TMCO5A: variants seen among roughly 807,000 people sequenced by gnomAD.
TMCO5A encodes transmembrane and coiled-coil domain-containing protein 5A.
A neutral mutation model predicts 42.3 loss-of-function variants in TMCO5A; 34 were observed. The ratio of observed to expected loss-of-function variants is 0.80; its 90% CI spans 0.61 to 1.07. The LOEUF is 1.07. Ranked by LOEUF, TMCO5A falls within the 50% of genes least tolerant of loss-of-function variation. The probability of loss-of-function intolerance (pLI) is 0.00; values close to 1 mark genes in which losing one functional copy is unlikely to be tolerated. For missense variants in TMCO5A, 357 were observed against 327.9 expected (o/e 1.09, Z -0.69); for synonymous variants, 131 against 115.6 (o/e 1.13, Z -0.86).
At chr15:38,003,324 G>A in the TMCO5A span, among the ~76,000 whole-genome samples, 263 of 152,048 alleles carry the variant, frequency 1.7e-3, no homozygotes, top group Non-Finnish European at 3.1e-3. Flanking sequence ...ACCACAACTG[G>A]GATTGTGCTG....
At chr15:37,945,767 T>G (rs1156846196) in intron 10 of TMCO5A, among the ~76,000 whole-genome samples, 1 of 152,216 alleles carries the variant, frequency 6.6e-6, no homozygotes, top group Non-Finnish European at 1.5e-5. Flanking sequence ...ACTCTGGGTA[T>G]TAGACATTTG....
the TMCO5A span, among the ~76,000 whole-genome samples, chr15:38,035,267 A>G: frequency 6.6e-6 from 1 of 152,228 alleles, no homozygotes; most frequent in Non-Finnish European, 1.5e-5. Context: ...GGCTTGATTT[A>G]TAACTTTTTA....
At chr15:38,010,686 T>C in the TMCO5A span, among the ~76,000 whole-genome samples, 1 of 152,140 alleles carries the variant, frequency 6.6e-6, no homozygotes, top group Non-Finnish European at 1.5e-5. Flanking sequence ...CCACCAACTT[T>C]GTGGTAGTTT....
chr15:38,035,580 A>G, the TMCO5A span, among the ~76,000 whole-genome samples: 1 of 152,224 alleles, frequency 6.6e-6, no homozygotes, highest in Non-Finnish European at 1.5e-5. Flanking sequence ...ATAAGAGTGT[A>G]TTATGGAGGC....
chr15:37,943,261 C>T, intron 9 of TMCO5A, 80 bp from the exon 10 acceptor site: 2 of 1,368,200 alleles, frequency 1.5e-6, no homozygotes, highest in Non-Finnish European at 2.0e-6. Flanking sequence ...GAATATAAAG[C>T]TTTTTTAAAA....
downstream of TMCO5A, among the ~76,000 whole-genome samples, chr15:37,972,366 T>C (rs950684894): frequency 6.6e-6 from 1 of 152,136 alleles, no homozygotes; most frequent in Non-Finnish European, 1.5e-5. Context: ...GAGATTTGGG[T>C]GGGGACACAG....
At chr15:38,004,200 T>A in the TMCO5A span, among the ~76,000 whole-genome samples, 1 of 152,078 alleles carries the variant, frequency 6.6e-6, no homozygotes, top group Admixed American at 6.5e-5. Flanking sequence ...AGAAATGTCA[T>A]CTGTGAGCTA....
the TMCO5A span, among the ~76,000 whole-genome samples, chr15:38,016,636 G>T: frequency 1.3e-5 from 2 of 152,094 alleles, no homozygotes; most frequent in African/African-American, 4.8e-5. Flanking sequence ...TATACTTTCA[G>T]CCTGGGCAAA....
At chr15:37,972,874 T>A in the TMCO5A span, among the ~76,000 whole-genome samples, 4 of 152,164 alleles carry the variant, frequency 2.6e-5, no homozygotes, top group African/African-American at 9.7e-5. Flanking sequence ...CTACAATGAC[T>A]TTTTTAGGTT....
the TMCO5A span, chr15:38,004,810 C>G: frequency 6.6e-6 from 1 of 152,182 alleles, no homozygotes; most frequent in African/African-American, 2.4e-5. Context: ...GTACCTCTTC[C>G]AGTGATGTGA....
chr15:37,995,846 A>C, the TMCO5A span, among the ~76,000 whole-genome samples: 1,535 of 125,466 alleles, frequency 0.012, 26 homozygotes, highest in African/African-American at 0.048. Context: ...AATCCCCTCC[A>C]AAAAAAAAAC....
At chr15:37,936,084 G>A (rs1889499842) in intron 2 of TMCO5A, 1 of 373,728 alleles carries the variant, frequency 2.7e-6, no homozygotes, top group Non-Finnish European at 4.7e-6. Flanking sequence ...CTGTTAGATT[G>A]AGCACTTTGG....
chr15:37,934,975 C>T (rs1190649786), intron 1 of TMCO5A, among the ~76,000 whole-genome samples: 1 of 152,114 alleles, frequency 6.6e-6, no homozygotes, highest in African/African-American at 2.4e-5. Flanking sequence ...TAAACTTCCA[C>T]AGGGTTTTAT....
chr15:37,949,714 A>C (rs749659983), intron 11 of TMCO5A, among the ~76,000 whole-genome samples: 4 of 152,142 alleles, frequency 2.6e-5, no homozygotes, highest in Non-Finnish European at 5.9e-5. Flanking sequence ...ATGCTAAAAA[A>C]AAAAAATAAA....
rs747467808 is a variant in TMCO5A at position 37,951,102 on chromosome 15, T to C, written c.735T>C (p.His245=). The C allele has an allele frequency of 1.1e-5, 18 of 1,613,470 alleles. No individual in the cohort carries two copies. Among genetic ancestry groups the C allele is most frequent in the African/African-American group, 4.0e-5 (3 of 74,914 alleles). Reference sequence around the variant, plus strand: ...GACTGCTGAGCTACATGTTTTTTCATGTAAGATTCATAAATCCAGATCTCC... The same window carrying C: ...GACTGCTGAGCTACATGTTTTTTCACGTAAGATTCATAAATCCAGATCTCC... The part of the protein sequence containing the change: ...FIRLLSYMFF[H]VRFINPDLLV... Residue 245 remains histidine, a synonymous_variant, in exon 12 of 12, where the codon CAT becomes CAC. Coordinates refer to ENST00000319669, the MANE Select transcript of TMCO5A (RefSeq NM_152453.4).
the TMCO5A span, among the ~76,000 whole-genome samples, chr15:38,036,995 G>A: frequency 6.6e-6 from 1 of 152,072 alleles, no homozygotes; most frequent in Non-Finnish European, 1.5e-5. Flanking sequence ...TCATTTAAAA[G>A]GCATTTGAAC....
At chr15:38,014,102 C>G in the TMCO5A span, among the ~76,000 whole-genome samples, 1 of 152,188 alleles carries the variant, frequency 6.6e-6, no homozygotes, top group Non-Finnish European at 1.5e-5. Flanking sequence ...TGAGGATCAT[C>G]TAGAATAATT....
chr15:37,999,541 C>T, the TMCO5A span, among the ~76,000 whole-genome samples: 801 of 152,226 alleles, frequency 5.3e-3, 6 homozygotes, highest in Non-Finnish European at 8.7e-3. Context: ...TGTCTGATTG[C>T]TCTAACTAGG....
the TMCO5A span, among the ~76,000 whole-genome samples, chr15:38,002,639 T>C: frequency 2.0e-5 from 3 of 152,154 alleles, no homozygotes; most frequent in Non-Finnish European, 4.4e-5. Flanking sequence ...TAAGAGGCTC[T>C]GATGTGTTCT....
Sources: gnomAD v4.1 joint callset for allele counts (sites outside exome capture counted in the v4.1 genomes callset) on GRCh38, gnomAD v4.1.1 for gene constraint, MANE v1.5 for transcripts, NCBI Gene and HGNC (gene_info 2026-07-23, HGNC 2026-07-21) for gene names.